The following AMZ2 variants were observed in gnomAD, a reference collection of about 807,000 sequenced individuals.
AMZ2 encodes the protein archaelysin family metallopeptidase 2.
A neutral mutation model predicts 36.7 loss-of-function variants in AMZ2; 26 were observed. The observed-to-expected ratio is 0.71, with a 90% confidence interval of 0.52 to 0.98. The LOEUF (loss-of-function observed/expected upper bound fraction) is 0.98. Ranked by LOEUF, AMZ2 falls within the 50% of genes least tolerant of loss-of-function variation. AMZ2 has a pLI of 0.00. For missense variants in AMZ2, 394 were observed against 430.5 expected (o/e 0.92, Z 0.75); for synonymous variants, 144 against 149.1 (o/e 0.97, Z 0.25).
chr17:68,251,140 C>A lies in AMZ2; in HGVS notation c.548C>A (p.Ser183Ter). 3 of 1,613,756 alleles carry A rather than the reference C, an allele frequency of 1.9e-6. No homozygotes were observed. The highest frequency in any genetic ancestry group is 1.1e-5 in the South Asian group (1 of 90,928). The change falls in exon 4 of 7, where the codon TCG (serine) becomes TAG (stop). Residue 183 changes from serine to a stop codon, truncating the protein, a stop_gained. Coordinates refer to ENST00000359904, the MANE Select transcript of AMZ2 (RefSeq NM_016627.5). LOFTEE classifies it high-confidence loss of function. ...ITMIDLYPRD[S>*]WNFVFGQASL... ...ATGATTGATCTTTACCCAAGAGACTCGTGGAATTTTGTCTTTGGACAGGCC... is the reference window on the plus strand; with the variant it reads ...ATGATTGATCTTTACCCAAGAGACTAGTGGAATTTTGTCTTTGGACAGGCC...
intron 1 of AMZ2, among the ~76,000 whole-genome samples, chr17:68,214,838 C>T (rs2073156393): frequency 6.6e-6 from 1 of 151,624 alleles, no homozygotes; most frequent in Non-Finnish European, 1.5e-5. Context: ...CTCTGAACTG[C>T]AGTGGCGCTA....
intron 1 of AMZ2, chr17:68,206,860 C>T (rs116204107): frequency 6.5e-6 from 1 of 152,822 alleles, no homozygotes; most frequent in African/African-American, 2.4e-5. Context: ...TTTTATTCTT[C>T]GAGTGCTAAT....
At chr17:68,248,836 C>G (rs772147496) in intron 1 of AMZ2, 131 bp downstream of exon 1, 3 of 937,828 alleles carry the variant, frequency 3.2e-6, no homozygotes, top group Non-Finnish European at 2.6e-6. Flanking sequence ...GACATTTGGT[C>G]TGGAATTTTA....
At chr17:68,232,732 A>G (rs782006264) in intron 1 of AMZ2, among the ~76,000 whole-genome samples, 2 of 152,128 alleles carry the variant, frequency 1.3e-5, no homozygotes, top group Non-Finnish European at 2.9e-5. Flanking sequence ...AATCCCAGCT[A>G]CTTGGGAGGC....
At chr17:68,206,356 A>T (rs1416820223) in intron 1 of AMZ2, 1 of 973,788 alleles carries the variant, frequency 1.0e-6, no homozygotes, top group East Asian at 4.3e-5. Context: ...CTCCCCCCCA[A>T]ACAGAGGGGA....
intron 1 of AMZ2, among the ~76,000 whole-genome samples, chr17:68,220,782 CTTTT>C (rs11298867): frequency 2.3e-5 from 3 of 131,816 alleles, no homozygotes; most frequent in Non-Finnish European, 3.2e-5. Context: ...TTTTCTTTCT[CTTTT>C]TTTTTTTTTT....
chr17:68,252,057 C>G (rs1163931225), intron 4 of AMZ2, among the ~76,000 whole-genome samples: 30 of 152,014 alleles, frequency 2.0e-4, no homozygotes, highest in African/African-American at 6.8e-4. Flanking sequence ...TTCTCCCCTC[C>G]CCTTAATTAT....
chr17:68,220,572 G>A (rs1236071197), intron 1 of AMZ2, among the ~76,000 whole-genome samples: 2 of 152,040 alleles, frequency 1.3e-5, no homozygotes, highest in Non-Finnish European at 2.9e-5. Flanking sequence ...TGTCACCCAT[G>A]TGCTGGACAC....
intron 1 of AMZ2, among the ~76,000 whole-genome samples, chr17:68,217,958 G>A (rs1568345569): frequency 1.3e-5 from 2 of 151,698 alleles, no homozygotes; most frequent in African/African-American, 4.8e-5. Context: ...GACTACAGGC[G>A]CCCGCCATCA....
At chr17:68,224,410 T>G (rs1253827824) in intron 1 of AMZ2, among the ~76,000 whole-genome samples, 1 of 152,274 alleles carries the variant, frequency 6.6e-6, no homozygotes, top group Non-Finnish European at 1.5e-5. Context: ...CTGTGTGGCC[T>G]TAGGCAAATG....
At chr17:68,237,724 GTCCCT>G (rs1215170449) in intron 1 of AMZ2, among the ~76,000 whole-genome samples, 22 of 152,168 alleles carry the variant, frequency 1.4e-4, no homozygotes, top group African/African-American at 5.3e-4. Flanking sequence ...GCCTTGAGGG[GTCCCT>G]AAGGGCAAGA....
chr17:68,223,032 G>A (rs2073408815), intron 1 of AMZ2, among the ~76,000 whole-genome samples: 1 of 152,046 alleles, frequency 6.6e-6, no homozygotes, highest in South Asian at 2.1e-4. Context: ...GTGTGCTCTC[G>A]GAGGGAGGGG....
intron 1 of AMZ2, among the ~76,000 whole-genome samples, chr17:68,231,251 A>G (rs1284794160): frequency 6.6e-6 from 1 of 151,222 alleles, no homozygotes; most frequent in Non-Finnish European, 1.5e-5. Flanking sequence ...TTTTTTTTTT[A>G]GTAGAGAGGG....
chr17:68,209,632 A>ATATATATATATATGTATATATATTTT, intron 1 of AMZ2, among the ~76,000 whole-genome samples: 11 of 90,680 alleles, frequency 1.2e-4, no homozygotes, highest in Non-Finnish European at 2.2e-4. Context: ...ATATATATAT[A>ATATATATATATATGTATATATATTTT]TTTTTTTTTT....
At position 68,254,501 on chromosome 17, in the gene AMZ2, C is replaced by T; in HGVS notation, c.684C>T (p.Asp228=). Residue 228 remains aspartate, a synonymous_variant, in exon 5 of 7, where the codon GAC becomes GAT. Transcript: ENST00000359904. Reference sequence around the variant, plus strand: ...AGCTCAAGAAAACATCTTCAAGTGACTATTCAATTTTCGACAACTATTATA... The same window carrying T: ...AGCTCAAGAAAACATCTTCAAGTGATTATTCAATTTTCGACAACTATTATA... The part of the protein sequence containing the change: ...VKKLKKTSSS[D]YSIFDNYYIP... 3 of 1,613,406 alleles carry T rather than the reference C, an allele frequency of 1.9e-6. No individual in the cohort carries two copies. Among genetic ancestry groups the T allele is most frequent in the Non-Finnish European group, 2.5e-6 (3 of 1,179,598 alleles).
intron 1 of AMZ2, among the ~76,000 whole-genome samples, chr17:68,209,581 G>GGGGT (rs1555725262): frequency 4.7e-5 from 5 of 106,934 alleles, no homozygotes; most frequent in African/African-American, 1.5e-4. Context: ...AATAATTGTG[G>GGGGT]GTGTGTGTGT....
chr17:68,231,416 A>G (rs868936749), intron 1 of AMZ2, among the ~76,000 whole-genome samples: 1 of 42,278 alleles, frequency 2.4e-5, no homozygotes, highest in Non-Finnish European at 4.1e-5. Flanking sequence ...ATCCAGCACT[A>G]GTTAAGTTGG....
In AMZ2 at chr17:68,215,630, G is replaced by A. The variant is rs9896198; in HGVS notation, c.-67+9392G>A. 1.5e-5 allele frequency among the ~76,000 whole-genome samples: 2 copies of A among 136,846 alleles called. 1 individual carries two copies. Among genetic ancestry groups the A allele is most frequent in the Non-Finnish European group, 3.3e-5 (2 of 61,160 alleles). The allele number at this position is 136,846 out of a possible 152,430, so 89.8% of individuals were successfully genotyped here. On this transcript the variant is annotated intron_variant, in intron 1 of 7. Coordinates refer to the AMZ2 transcript ENST00000674770. ...GTGATGGCTGCCTGTCAGGGAGCCC[G>A]GTGCTTGTACTCTGTATAGACATTC...
At chr17:68,249,037 C>T (rs577535269) in intron 1 of AMZ2, 2 of 1,179,696 alleles carry the variant, frequency 1.7e-6, no homozygotes, top group Middle Eastern at 3.4e-4. Flanking sequence ...CGGACCCATT[C>T]AAGAGGAAGG....
Sources: gnomAD v4.1 joint callset for allele counts (sites outside exome capture counted in the v4.1 genomes callset) on GRCh38, gnomAD v4.1.1 for gene constraint, MANE v1.5 for transcripts, NCBI Gene and HGNC (gene_info 2026-07-23, HGNC 2026-07-21) for gene names.